Variants in PARP11 observed in about 807,000 individuals in gnomAD.
The protein encoded by PARP11 is protein mono-ADP-ribosyltransferase PARP11.
In PARP11, 31 loss-of-function variants were observed where a neutral mutation model predicts 42.9. That is an observed-to-expected ratio of 0.72 (90% CI 0.54 to 0.98). The LOEUF (loss-of-function observed/expected upper bound fraction) is 0.98, where lower values mean the gene tolerates loss of function less well. Ranked by LOEUF, PARP11 falls within the 50% of genes least tolerant of loss-of-function variation. PARP11 has a pLI of 0.00. For synonymous variants in PARP11, 137 were observed against 127.3 expected, an observed-to-expected ratio of 1.08 and a Z score of -0.51; for missense variants, 365 against 413.1, an observed-to-expected ratio of 0.88 and a Z score of 1.01.
chr12:3,840,351 T>C lies in PARP11; in HGVS notation c.19-10333A>G, dbSNP rs1270006994. ...AGAAGATGAAAAAACCTTCCACTTC[T>C]GGACAAAATTTCCATTCTGATATGG... On this transcript the variant is annotated intron_variant, in intron 1 of 7. Transcript: ENST00000228820. The surrounding 1 kb of genome is among the most constrained non-coding windows in gnomAD (Gnocchi z 4.4). 1.9e-6 allele frequency: 3 copies of C among 1,614,012 alleles called. No individual in the cohort carries two copies. The highest frequency in any genetic ancestry group is 2.5e-6 in the Non-Finnish European group (3 of 1,179,976).
intron 1 of PARP11, among the ~76,000 whole-genome samples, chr12:3,844,428 C>CT (rs944120276): frequency 1.2e-4 from 18 of 151,984 alleles, no homozygotes; most frequent in South Asian, 6.2e-4. Context: ...TCAGCTTATG[C>CT]TTTTTTTTGT....
intron 1 of PARP11, among the ~76,000 whole-genome samples, chr12:3,860,489 G>A (rs757070994): frequency 2.0e-5 from 3 of 152,190 alleles, no homozygotes; most frequent in Non-Finnish European, 2.9e-5. Context: ...AGAGGGTCCA[G>A]AAGGCAGCAC....
intron 1 of PARP11, among the ~76,000 whole-genome samples, chr12:3,860,779 T>C (rs1948281219): frequency 6.6e-6 from 1 of 152,186 alleles, no homozygotes. Context: ...TAGTATCAAG[T>C]GATCCTTGTG....
intron 6 of PARP11, among the ~76,000 whole-genome samples, chr12:3,819,906 G>A (rs1472498071): frequency 1.3e-5 from 2 of 152,300 alleles, no homozygotes; most frequent in East Asian, 3.9e-4. Context: ...ATCTGAAGCT[G>A]CTTCAATTTT....
Position 3,829,919 on chromosome 12 carries a change from C to T in PARP11, c.118G>A (p.Ala40Thr). The change falls in exon 2 of 8, where the codon GCA becomes ACA. Residue 40 changes from alanine (A) to threonine (T), a missense_variant. Coordinates refer to ENST00000228820, the MANE Select transcript of PARP11 (RefSeq NM_020367.6). ...AACATGTGCCACTTCCCACATTCTG[C>T]CAAGTAAAACCAGCCCCACTGGGTA... ...SDTQWGWFYLAECGKWHMFQP... is the reference protein window; with the variant it reads ...SDTQWGWFYLTECGKWHMFQP... The T allele has an allele frequency of 6.2e-7, 1 of 1,613,968 alleles. No individual in the cohort carries two copies. The highest frequency in any genetic ancestry group is 8.5e-7 in the Non-Finnish European group (1 of 1,179,886).
intron 1 of PARP11, among the ~76,000 whole-genome samples, chr12:3,847,458 A>G (rs1050989137): frequency 1.3e-5 from 2 of 152,236 alleles, no homozygotes; most frequent in African/African-American, 4.8e-5. Flanking sequence ...ACACATTAAA[A>G]AAATCATTCA....
At chr12:3,838,884 G>A (rs1452743828) in intron 1 of PARP11, among the ~76,000 whole-genome samples, 2 of 152,168 alleles carry the variant, frequency 1.3e-5, no homozygotes, top group African/African-American at 2.4e-5. Flanking sequence ...CACCTGAGCC[G>A]GCCCGGCGTG....
At chr12:3,831,270 T>C (rs1010547706) in intron 1 of PARP11, among the ~76,000 whole-genome samples, 1 of 151,776 alleles carries the variant, frequency 6.6e-6, no homozygotes, top group Admixed American at 6.6e-5. Flanking sequence ...TCACTCTGTT[T>C]GTGTGTGTAT....
At chr12:3,854,368 A>T (rs1948154314) in intron 1 of PARP11, among the ~76,000 whole-genome samples, 2 of 152,224 alleles carry the variant, frequency 1.3e-5, no homozygotes, top group Admixed American at 1.3e-4. Context: ...GAAAAGATCA[A>T]CAAAATTGAT....
chr12:3,837,643 GCA>G (rs959384272), intron 1 of PARP11, among the ~76,000 whole-genome samples: 2 of 151,268 alleles, frequency 1.3e-5, no homozygotes, highest in East Asian at 1.9e-4. Flanking sequence ...GAATTAAAGA[GCA>G]CAGAGTGGCT....
At chr12:3,831,549 G>C (rs1947638412) in intron 1 of PARP11, among the ~76,000 whole-genome samples, 1 of 152,054 alleles carries the variant, frequency 6.6e-6, no homozygotes, top group South Asian at 2.1e-4. Flanking sequence ...TGTTATAAAT[G>C]AATGAGACAA....
At chr12:3,812,928 G>C (rs1947213918) in intron 7 of PARP11, among the ~76,000 whole-genome samples, 2 of 152,016 alleles carry the variant, frequency 1.3e-5, no homozygotes, top group Non-Finnish European at 2.9e-5. Flanking sequence ...TCAGCCTCCT[G>C]AGTAGCTGGG....
chr12:3,854,918 A>C (rs1392046091), intron 1 of PARP11, among the ~76,000 whole-genome samples: 1 of 152,240 alleles, frequency 6.6e-6, no homozygotes, highest in Admixed American at 6.5e-5. Flanking sequence ...GTAGCACATC[A>C]AAAAGCTTAT....
At chr12:3,818,064 C>T (rs1947326370) in intron 6 of PARP11, among the ~76,000 whole-genome samples, 1 of 152,172 alleles carries the variant, frequency 6.6e-6, no homozygotes, top group Non-Finnish European at 1.5e-5. Flanking sequence ...ACTATCTGCC[C>T]TTACATTTGT....
intron 1 of PARP11, chr12:3,839,956 G>A: frequency 1.6e-6 from 2 of 1,280,180 alleles, no homozygotes; most frequent in Non-Finnish European, 2.3e-6. Flanking sequence ...TGCTGCTGCT[G>A]ATGTGAATGG....
At chr12:3,869,113 GT>G (rs1336923489) in intron 1 of PARP11, among the ~76,000 whole-genome samples, 1 of 151,968 alleles carries the variant, frequency 6.6e-6, no homozygotes, top group Admixed American at 6.6e-5. Context: ...CATGTCTTTT[GT>G]CCCCATGTTC....
Position 3,809,703 on chromosome 12 carries a change from A to T in PARP11, c.*2420T>A, listed in dbSNP as rs1412845297. 6.6e-6 allele frequency: 1 copy of T among 152,230 alleles called. No individual in the cohort carries two copies. The highest frequency in any genetic ancestry group is 1.5e-5 in the Non-Finnish European group (1 of 68,044). The allele number at this position is 152,230 out of a possible 1,614,324, so 9.4% of individuals were successfully genotyped here. On this transcript the variant is annotated 3_prime_UTR_variant, in exon 8 of 8. Transcript: ENST00000228820. ...TTTTTTGGTATGTAAATTACAAATA[A>T]ATCGAAAAAAAGATTTTCAAAACCT...
intron 6 of PARP11, chr12:3,815,131 ATT>A: frequency 2.3e-6 from 1 of 438,394 alleles, no homozygotes; most frequent in South Asian, 1.6e-5. Context: ...TCTGCAAACT[ATT>A]TGCTGCATTT....
chr12:3,837,516 G>A (rs912481899), intron 1 of PARP11, among the ~76,000 whole-genome samples: 5 of 152,068 alleles, frequency 3.3e-5, no homozygotes, highest in Admixed American at 6.5e-5. Context: ...TAACCAGAAA[G>A]GAAGATGTAA....
Sources: allele counts gnomAD v4.1 joint callset (sites outside exome capture counted in the v4.1 genomes callset), GRCh38; gene constraint gnomAD v4.1.1; non-coding constraint Gnocchi (gnomAD v3.1); transcripts MANE v1.5; gene names NCBI Gene and HGNC (gene_info 2026-07-23, HGNC 2026-07-21).